Variants in ZNF106 observed in about 807,000 individuals in gnomAD.
ZNF106 encodes zinc finger protein 106.
Under a neutral mutation model 195.1 loss-of-function variants are expected in ZNF106, and 67 were observed. That is an observed-to-expected ratio of 0.34 (90% CI 0.28 to 0.42). ZNF106 has a LOEUF of 0.42. Among genes scored for constraint, ZNF106 ranks in the 10% least tolerant of loss-of-function variants. The probability of loss-of-function intolerance (pLI) is 1.00; values close to 1 mark genes in which losing one functional copy is unlikely to be tolerated. For missense variants in ZNF106, 2,118 were observed against 2,304.5 expected (o/e 0.92, Z 1.66); for synonymous variants, 784 against 818.6 (o/e 0.96, Z 0.72).
chr15:42,489,093 A>AACAC (rs368303436), intron 1 of ZNF106, among the ~76,000 whole-genome samples: 458 of 142,464 alleles, frequency 3.2e-3, no homozygotes, highest in South Asian at 9.0e-3. Flanking sequence ...AAAAAAAAAC[A>AACAC]ACACACACAC....
At chr15:42,474,259 T>G (rs1366725673) in intron 1 of ZNF106, among the ~76,000 whole-genome samples, 1 of 152,222 alleles carries the variant, frequency 6.6e-6, no homozygotes, top group African/African-American at 2.4e-5. Context: ...TAGTATGTAT[T>G]TGTTATTCTC....
intron 3 of ZNF106, among the ~76,000 whole-genome samples, chr15:42,465,752 C>T (rs1021668099): frequency 6.6e-6 from 1 of 152,162 alleles, no homozygotes; most frequent in Non-Finnish European, 1.5e-5. Flanking sequence ...AGTTGCAAGG[C>T]TAGCACGTAG....
chr15:42,485,463 T>C lies in ZNF106; in HGVS notation c.-33+5517A>G, dbSNP rs1002726579. 4.6e-5 allele frequency among the ~76,000 whole-genome samples: 7 copies of C among 152,208 alleles called. No individual in the cohort carries two copies. In the East Asian group the frequency reaches 1.3e-3, roughly 29 times the overall value. On this transcript the variant is annotated intron_variant, in intron 1 of 21. Coordinates refer to ENST00000564754, the MANE Select transcript of ZNF106 (RefSeq NM_001366845.3). The stretch of plus-strand genomic sequence containing the variant: ...GGCCACTGTCCATGAAGACTTCGTA[T>C]GTTCTCCTTATTCCTTCATGGGTTT...
chr15:42,433,405 T>G lies in ZNF106; in HGVS notation c.4881+1979A>C, dbSNP rs535454056. Among the ~76,000 whole-genome samples, 7 of 152,134 alleles carry G rather than the reference T, an allele frequency of 4.6e-5. No homozygotes were observed. The South Asian group carries it at 1.5e-3, about 32-fold the overall frequency. On this transcript the variant is annotated intron_variant, in intron 14 of 21. Coordinates refer to ENST00000564754, the MANE Select transcript of ZNF106 (RefSeq NM_001366845.3). Reference sequence around the variant, plus strand: ...CAGGCGTGAGCCACCGCGCCCAGCCTTAAGTATATTTTTAGCTCACCATTT... The same window carrying G: ...CAGGCGTGAGCCACCGCGCCCAGCCGTAAGTATATTTTTAGCTCACCATTT...
chr15:42,437,266 G>C lies in ZNF106; in HGVS notation c.4712C>G (p.Ser1571Ter). 6.2e-7 allele frequency: 1 copy of C among 1,613,762 alleles called. No homozygotes were observed. The highest frequency in any genetic ancestry group is 8.5e-7 in the Non-Finnish European group (1 of 1,179,852). The change falls in exon 13 of 22, where the codon TCA becomes TGA. Residue 1571 changes from serine (S) to a stop codon, truncating the protein, a stop_gained. Transcript: ENST00000564754. LOFTEE classifies it high-confidence loss of function. Reference sequence around the variant, plus strand: ...ATAAACCCGAACAGTTTTATCTGCTGAACAGGTATATAGCAAGTTCCCAAA... The same window carrying C: ...ATAAACCCGAACAGTTTTATCTGCTCAACAGGTATATAGCAAGTTCCCAAA... ...QIFGNLLYTCSADKTVRVYNL... is the reference protein window; with the variant it reads ...QIFGNLLYTC
intron 4 of ZNF106, 63 bp from the exon 5 acceptor site, chr15:42,452,017 T>C (rs1362028489): frequency 6.6e-7 from 1 of 1,521,344 alleles, no homozygotes; most frequent in Non-Finnish European, 8.8e-7. Flanking sequence ...TTGAAAGGCA[T>C]AACCCACCAA....
At position 42,424,985 on chromosome 15, in the gene ZNF106, C is replaced by T; in HGVS notation, c.5039G>A (p.Arg1680Gln). 1.9e-6 allele frequency: 3 copies of T among 1,614,058 alleles called. No individual in the cohort carries two copies. The highest frequency in any genetic ancestry group is 2.5e-6 in the Non-Finnish European group (3 of 1,180,018). ...RLEIFECHGP[R>Q]AVSCLATAQE... ...AGCTGTAGCAAGACAGCTGACTGCC[C>T]GAGGGCCATGGCATTCAAAGATCTC... The change falls in exon 16 of 22, where the codon CGG becomes CAG. Residue 1680 changes from arginine to glutamine, a missense_variant. Arg to Gln is a conservative substitution (Grantham distance 43). Transcript: ENST00000564754.
rs186092704 is a variant in ZNF106 at position 42,446,475 on chromosome 15, G to A, written c.3205+114C>T. On this transcript the variant is annotated intron_variant, in intron 7 of 21. Coordinates refer to ENST00000564754, the MANE Select transcript of ZNF106 (RefSeq NM_001366845.3). ...ACCAGTAGTCCTAGCTGCTCGGGAG[G>A]CTGAGAGAAGAGGATTGCTTGAGCC... 1,112 of 773,440 alleles carry A rather than the reference G, an allele frequency of 1.4e-3. 3 individuals are homozygous for A. The highest frequency in any genetic ancestry group is 2.6e-3 in the Admixed American group (108 of 42,002). The allele number at this position is 773,440 out of a possible 1,614,324, so 47.9% of individuals were successfully genotyped here.
At chr15:42,482,795 CTAGGATT>C (rs1286300844) in intron 1 of ZNF106, among the ~76,000 whole-genome samples, 1 of 152,116 alleles carries the variant, frequency 6.6e-6, no homozygotes, top group East Asian at 1.9e-4. Context: ...TCCCAAAGTG[CTAGGATT>C]ACAGGCGTGA....
intron 15 of ZNF106, among the ~76,000 whole-genome samples, chr15:42,426,563 C>CT (rs539711765): frequency 0.055 from 6,360 of 115,680 alleles, 370 homozygotes; most frequent in African/African-American, 0.087. Flanking sequence ...CCATACTTAG[C>CT]TTTTTTTTTT....
At position 42,424,916 on chromosome 15, in the gene ZNF106, C is replaced by T. The variant is rs773865728; in HGVS notation, c.5108G>A (p.Cys1703Tyr). The T allele has an allele frequency of 6.2e-7, 1 of 1,614,170 alleles. No homozygotes were observed. The highest frequency in any genetic ancestry group is 8.5e-7 in the Non-Finnish European group (1 of 1,180,030). The change falls in exon 16 of 22, where the codon TGC (cysteine) becomes TAC (tyrosine). Residue 1703 changes from cysteine to tyrosine, a missense_variant. Cys to Tyr is a radical substitution (Grantham distance 194). Transcript: ENST00000564754. ...RKLLVVGSYD[C>Y]TISVRDARNG... is the part of the protein sequence containing the mutation. ...CCGGGCATCGCGTACACTAATTGTG[C>T]AGTCATAAGACCCCACGACCAGCAG...
chr15:42,430,330 CTTTTT>C (rs1357901008), intron 14 of ZNF106, among the ~76,000 whole-genome samples: 1 of 151,770 alleles, frequency 6.6e-6, no homozygotes, highest in African/African-American at 2.4e-5. Context: ...TTTGTTATTT[CTTTTT>C]AAGAGACTTG....
At chr15:42,480,355 ATAAATATAACCACTCTAGGCT>A (rs1289309176) in intron 1 of ZNF106, among the ~76,000 whole-genome samples, 26 of 152,206 alleles carry the variant, frequency 1.7e-4, no homozygotes, top group Non-Finnish European at 2.8e-4. Context: ...TTTATCTGAT[ATAAATATAACCACTCTAGGCT>A]TCTTATGCTA....
At position 42,446,668 on chromosome 15, in the gene ZNF106, T is replaced by C; in HGVS notation, c.3136-10A>G. 1.9e-6 allele frequency: 3 copies of C among 1,590,378 alleles called. No individual in the cohort carries two copies. The highest frequency in any genetic ancestry group is 2.6e-6 in the Non-Finnish European group (3 of 1,167,592). On this transcript the variant is annotated splice_polypyrimidine_tract_variant and intron_variant, in intron 6 of 21. Coordinates refer to ENST00000564754, the MANE Select transcript of ZNF106 (RefSeq NM_001366845.3). ...CAGGAGAAGATCCATCCTGGAAGGA[T>C]AAAGAAAACTGAATAAAATCCAATG...
chr15:42,459,422 G>T (rs2056331996), intron 3 of ZNF106, among the ~76,000 whole-genome samples: 1 of 152,128 alleles, frequency 6.6e-6, no homozygotes, highest in Non-Finnish European at 1.5e-5. Context: ...GTTGTAGTAA[G>T]CTGAGATCGC....
chr15:42,466,144 T>A, intron 2 of ZNF106, 30 bp from the exon 3 acceptor site: 1 of 1,493,840 alleles, frequency 6.7e-7, no homozygotes, highest in Non-Finnish European at 8.9e-7. Context: ...AGATTAAAAC[T>A]AAGCAGGATT....
intron 8 of ZNF106, 30 bp downstream of exon 8, chr15:42,444,797 A>G (rs749963746): frequency 6.2e-7 from 1 of 1,610,382 alleles, no homozygotes; most frequent in Non-Finnish European, 8.5e-7. Flanking sequence ...GAGATGATCC[A>G]TTTTTATTAA....
chr15:42,431,218 T>C (rs2141287805), intron 14 of ZNF106, among the ~76,000 whole-genome samples: 1 of 152,136 alleles, frequency 6.6e-6, no homozygotes. Context: ...GAACATACTT[T>C]GTATGATTTT....
At chr15:42,435,601 A>G in intron 13 of ZNF106, 83 bp from the exon 14 acceptor site, 1 of 1,545,978 alleles carries the variant, frequency 6.5e-7, no homozygotes, top group Non-Finnish European at 8.9e-7. Context: ...AAAGATGCTA[A>G]AACATTCAGT....
Sources: gnomAD v4.1 joint callset for allele counts (sites outside exome capture counted in the v4.1 genomes callset) on GRCh38, gnomAD v4.1.1 for gene constraint, MANE v1.5 for transcripts, NCBI Gene and HGNC (gene_info 2026-07-23, HGNC 2026-07-21) for gene names.